Variants in TPGS2 observed in about 807,000 individuals in gnomAD.
TPGS2 encodes the protein tubulin polyglutamylase complex subunit 2, also known as polyglutamylase subunit 2.
A neutral mutation model predicts 31.1 loss-of-function variants in TPGS2; 26 were observed. The observed-to-expected ratio is 0.84, with a 90% confidence interval of 0.61 to 1.16. The LOEUF (loss-of-function observed/expected upper bound fraction) is 1.16, where lower values mean the gene tolerates loss of function less well. Among genes scored for constraint, TPGS2 ranks in the 50% most tolerant of loss-of-function variants. The probability of loss-of-function intolerance (pLI) is 0.00; values close to 1 mark genes in which losing one functional copy is unlikely to be tolerated. For synonymous variants in TPGS2, 130 were observed against 136.6 expected (o/e 0.95, Z 0.34); for missense variants, 351 against 363.8 (o/e 0.96, Z 0.29).
intron 1 of TPGS2, among the ~76,000 whole-genome samples, chr18:36,822,356 C>G (rs568346367): frequency 6.6e-6 from 1 of 152,296 alleles, no homozygotes; most frequent in African/African-American, 2.4e-5. Flanking sequence ...TATGTCTTTT[C>G]CCCCTGCTAA....
At chr18:36,818,616 T>C (rs772313110) in intron 2 of TPGS2, 4 of 348,366 alleles carry the variant, frequency 1.1e-5, no homozygotes, top group Non-Finnish European at 2.1e-5. Context: ...ATATCCTTTC[T>C]TTTCCTTAAT....
chr18:36,802,230 TC>T, intron 4 of TPGS2, among the ~76,000 whole-genome samples: 1 of 152,232 alleles, frequency 6.6e-6, no homozygotes. Context: ...GTTGATATGT[TC>T]CCACCAAGTT....
At chr18:36,797,776 T>G (rs2044604150) in intron 6 of TPGS2, among the ~76,000 whole-genome samples, 1 of 151,826 alleles carries the variant, frequency 6.6e-6, no homozygotes, top group African/African-American at 2.4e-5. Flanking sequence ...CAGCCACACT[T>G]GGTGTTTTCA....
At position 36,794,674 on chromosome 18, in the gene TPGS2, A is replaced by T. The variant is rs1160934180; in HGVS notation, c.*2131T>A. 2 of 985,064 alleles carry T rather than the reference A, an allele frequency of 2.0e-6. No homozygotes were observed. Among genetic ancestry groups the T allele is most frequent in the Non-Finnish European group, 2.4e-6 (2 of 829,902 alleles). The allele number at this position is 985,064 out of a possible 1,614,324, so 61.0% of individuals were successfully genotyped here. On this transcript the variant is annotated 3_prime_UTR_variant, in exon 7 of 7. Coordinates refer to ENST00000334295, the MANE Select transcript of TPGS2 (RefSeq NM_015476.4). ...AAGAAAAATACTTCTGGAAGACTAA[A>T]CTCCAGCTATTGTCCTCAACAACTT...
downstream of TPGS2, among the ~76,000 whole-genome samples, chr18:36,790,540 C>A (rs485935): frequency 0.12 from 18,006 of 152,128 alleles, 1,318 homozygotes; most frequent in Admixed American, 0.17. Flanking sequence ...GTACACTGTC[C>A]GATAAGAGTT....
chr18:36,828,796 G>T lies in TPGS2; in HGVS notation c.-29C>A. 1 of 1,609,964 alleles carries T rather than the reference G, an allele frequency of 6.2e-7. No individual in the cohort carries two copies. Among genetic ancestry groups the T allele is most frequent in the Non-Finnish European group, 8.5e-7 (1 of 1,178,380 alleles). ...TCGCGACCGCGATTCGCGCGCGGCG[G>T]GAGCGGGTGGAGGGCCGGACCCCGC... On this transcript the variant is annotated 5_prime_UTR_variant, in exon 1 of 7. Transcript: ENST00000334295.
At chr18:36,800,878 C>T (rs1388559749) in intron 4 of TPGS2, among the ~76,000 whole-genome samples, 11 of 152,042 alleles carry the variant, frequency 7.2e-5, no homozygotes, top group Non-Finnish European at 1.2e-4. Flanking sequence ...TTAGTAGGGA[C>T]GGAGTTTCAC....
At chr18:36,798,399 T>C (rs2044634663) in intron 6 of TPGS2, 50 bp downstream of exon 6, 1 of 1,610,578 alleles carries the variant, frequency 6.2e-7, no homozygotes, top group Non-Finnish European at 8.5e-7. Flanking sequence ...ATTTCCTCAG[T>C]AGATTTTGGA....
intron 1 of TPGS2, among the ~76,000 whole-genome samples, chr18:36,823,417 CTTTTCCTACCTCAAATCTCTCT>C (rs2045978018): frequency 6.8e-6 from 1 of 146,880 alleles, no homozygotes; most frequent in African/African-American, 2.6e-5. Context: ...GTAACAGATT[CTTTTCCTACCTCAAATCTCTCT>C]GACTTCCTTG....
chr18:36,781,044 A>G (rs921239692), downstream of TPGS2, among the ~76,000 whole-genome samples: 2 of 152,226 alleles, frequency 1.3e-5, no homozygotes, highest in Non-Finnish European at 2.9e-5. Flanking sequence ...GACCACTGGC[A>G]TATATGTGGT....
chr18:36,822,985 T>C (rs529120618), intron 1 of TPGS2, among the ~76,000 whole-genome samples: 93 of 152,378 alleles, frequency 6.1e-4, no homozygotes, highest in African/African-American at 2.2e-3. Context: ...ATATTACACT[T>C]GTGTTTCTTT....
Position 36,800,309 on chromosome 18 carries a change from T to C in TPGS2, c.385A>G (p.Ser129Gly). The change falls in exon 5 of 7, where the codon AGT becomes GGT. Residue 129 changes from serine to glycine, a missense_variant and splice_region_variant. Physicochemically the swap from Ser to Gly is moderately conservative, Grantham distance 56 (BLOSUM62 0). Transcript: ENST00000334295. ...TGAGGCTTCTCTGGCTGATCATCAC[T>C]GGCTGCAAACCCAGAAGTTAATGGT... The part of the protein sequence containing the change: ...ADLEDDTHEA[S>G]DDQPEKPHFD... 2 of 1,614,074 alleles carry C rather than the reference T, an allele frequency of 1.2e-6. No individual in the cohort carries two copies. The highest frequency in any genetic ancestry group is 8.5e-7 in the Non-Finnish European group (1 of 1,179,914).
intron 2 of TPGS2, among the ~76,000 whole-genome samples, chr18:36,816,631 CAG>C (rs1011075526): frequency 2.6e-5 from 4 of 152,074 alleles, no homozygotes; most frequent in Non-Finnish European, 5.9e-5. Context: ...GGGGTGGGGA[CAG>C]AGTCTTGCTC....
At chr18:36,791,843 GC>G (rs2044320319), downstream of TPGS2, among the ~76,000 whole-genome samples, 1 of 151,934 alleles carries the variant, frequency 6.6e-6, no homozygotes, top group Non-Finnish European at 1.5e-5. Context: ...ACAAGTCTAG[GC>G]AACATAGGGA....
chr18:36,799,144 T>A (rs1019414655), intron 5 of TPGS2, among the ~76,000 whole-genome samples: 1 of 152,160 alleles, frequency 6.6e-6, no homozygotes, highest in East Asian at 1.9e-4. Context: ...CCATTCTTAC[T>A]ACTTCAAGCC....
chr18:36,828,964 GC>G lies in TPGS2; in HGVS notation c.-198del. On this transcript the variant is annotated 5_prime_UTR_variant, in exon 1 of 7. Coordinates refer to ENST00000334295, the MANE Select transcript of TPGS2 (RefSeq NM_015476.4). ...GCCGGTTCCCGCGGCCCCGCCCGGTGCCCCACACCGCACCTCCGGGACGTAG... is the reference window on the plus strand; with the variant it reads ...GCCGGTTCCCGCGGCCCCGCCCGGTGCCCACACCGCACCTCCGGGACGTAG... 1 of 1,006,106 alleles carries G rather than the reference GC, an allele frequency of 9.9e-7. No homozygotes were observed. Among genetic ancestry groups the G allele is most frequent in the Non-Finnish European group, 1.4e-6 (1 of 721,002 alleles). 62.3% of individuals were successfully genotyped at this position (1,006,106 alleles called of 1,614,324 possible).
At chr18:36,819,823 C>A (rs2045818274) in intron 1 of TPGS2, among the ~76,000 whole-genome samples, 1 of 152,140 alleles carries the variant, frequency 6.6e-6, no homozygotes, top group Non-Finnish European at 1.5e-5. Flanking sequence ...AGAGTTACTG[C>A]AGACATAATT....
downstream of TPGS2, chr18:36,782,954 G>A (rs902048423): frequency 1.8e-5 from 7 of 396,800 alleles, no homozygotes; most frequent in Admixed American, 1.8e-4. Context: ...TCAGTGGCAG[G>A]ACAGACATGC....
At chr18:36,822,283 A>G (rs1461815759) in intron 1 of TPGS2, among the ~76,000 whole-genome samples, 2 of 152,238 alleles carry the variant, frequency 1.3e-5, no homozygotes, top group African/African-American at 2.4e-5. Context: ...AGTGTATTCT[A>G]TGTGACCACT....
Sources: gnomAD v4.1 joint callset for allele counts (sites outside exome capture counted in the v4.1 genomes callset) on GRCh38, gnomAD v4.1.1 for gene constraint, MANE v1.5 for transcripts, NCBI Gene and HGNC (gene_info 2026-07-23, HGNC 2026-07-21) for gene names.